Variants in MED13L observed in about 807,000 individuals in gnomAD.
The protein encoded by MED13L is mediator of RNA polymerase II transcription subunit 13-like.
In MED13L, 7 loss-of-function variants were observed where a neutral mutation model predicts 220.9. That is an observed-to-expected ratio of 0.03 (90% confidence interval 0.02 to 0.06). MED13L has a LOEUF of 0.06. MED13L is among the 10% of genes least tolerant of loss of function. The probability of loss-of-function intolerance (pLI) is 1.00; values close to 1 mark genes in which losing one functional copy is unlikely to be tolerated. For synonymous variants in MED13L, 1,011 were observed against 1,015.2 expected, an observed-to-expected ratio of 1.00 and a Z score of 0.08; for missense variants, 1,965 against 2,760.5, an observed-to-expected ratio of 0.71 and a Z score of 6.46.
At chr12:116,096,850 AAAC>A in intron 3 of MED13L, 98 bp from the exon 4 acceptor site, 3 of 835,392 alleles carry the variant, frequency 3.6e-6, no homozygotes, top group South Asian at 1.4e-5. Context: ...CCAAAAATAA[AAAC>A]ACCACCAATT....
rs553682205 is a variant in MED13L at position 116,085,242 on chromosome 12, C to T, written c.479+11427G>A. Among the ~76,000 whole-genome samples, 6 of 152,202 alleles carry T rather than the reference C, an allele frequency of 3.9e-5. No individual in the cohort carries two copies. The East Asian group carries it at 1.2e-3, about 29-fold the overall frequency. ...GCACAAAGTCCAACAGTACTGTAGG[C>T]TTTCTATTAAAAAATACTCATAGTA... On this transcript the variant is annotated intron_variant, in intron 4 of 30. Coordinates refer to ENST00000281928, the MANE Select transcript of MED13L (RefSeq NM_015335.5).
intron 2 of MED13L, among the ~76,000 whole-genome samples, chr12:116,185,962 G>T (rs1880874513): frequency 6.6e-6 from 1 of 152,164 alleles, no homozygotes; most frequent in Non-Finnish European, 1.5e-5. Flanking sequence ...CCAAAGTGCT[G>T]GGATTACAGG....
intron 2 of MED13L, among the ~76,000 whole-genome samples, chr12:116,124,282 C>T (rs1200178551): frequency 6.6e-6 from 1 of 152,080 alleles, no homozygotes; most frequent in Non-Finnish European, 1.5e-5. Context: ...GGTACCTTGG[C>T]TTTTATTTCA....
intron 2 of MED13L, among the ~76,000 whole-genome samples, chr12:116,155,743 G>C (rs1290079371): frequency 1.3e-5 from 2 of 152,034 alleles, no homozygotes; most frequent in Admixed American, 6.6e-5. Context: ...AAAAAACCTT[G>C]AAACTGTTAA....
In MED13L at chr12:115,983,495, G is replaced by A; in HGVS notation, c.4577C>T (p.Pro1526Leu). 6 of 1,614,148 alleles carry A rather than the reference G, an allele frequency of 3.7e-6. No homozygotes were observed. The highest frequency in any genetic ancestry group is 5.1e-6 in the Non-Finnish European group (6 of 1,180,016). Reference sequence around the variant, plus strand: ...TGCTGGTGGGGTCTGGTATTTAGGTGGTATCAATAGGCTGCTATCAAGCTG... The same window carrying A: ...TGCTGGTGGGGTCTGGTATTTAGGTAGTATCAATAGGCTGCTATCAAGCTG... Reference protein sequence around the residue: ...TLQLDSSLLIPPKYQTPPAAA... With the variant: ...TLQLDSSLLILPKYQTPPAAA... The change falls in exon 21 of 31, where the codon CCA (proline) becomes CTA (leucine). Residue 1526 changes from proline (P) to leucine (L), a missense_variant. Pro to Leu is a moderately conservative substitution (Grantham distance 98). Around this residue, in one of 10 missense-constraint regions of MED13L, gnomAD observed 510 missense variants for 620.4 expected, o/e 0.82. Coordinates refer to ENST00000281928, the MANE Select transcript of MED13L (RefSeq NM_015335.5).
intron 4 of MED13L, among the ~76,000 whole-genome samples, chr12:116,080,275 C>A (rs1871140205): frequency 6.6e-6 from 1 of 152,242 alleles, no homozygotes; most frequent in East Asian, 1.9e-4. Flanking sequence ...CTTGGACAAT[C>A]AGTGAGACTA....
intron 22 of MED13L, among the ~76,000 whole-genome samples, chr12:115,981,352 T>C (rs983365806): frequency 6.6e-5 from 10 of 152,326 alleles, no homozygotes; most frequent in East Asian, 3.9e-4. Flanking sequence ...TTCAAAACAA[T>C]GGAAAACTAT....
At position 116,035,080 on chromosome 12, in the gene MED13L, T is replaced by C. The variant is rs184973863; in HGVS notation, c.480-12479A>G. 1.1e-4 allele frequency among the ~76,000 whole-genome samples: 17 copies of C among 152,314 alleles called. No homozygotes were observed. The Middle Eastern group carries it at 0.014, about 122-fold the overall frequency. Reference sequence around the variant, plus strand: ...AACATTCACTAAGCGCACCTATCTTTGTGCCAGACACTGTGCTAGATTTAG... The same window carrying C: ...AACATTCACTAAGCGCACCTATCTTCGTGCCAGACACTGTGCTAGATTTAG... On this transcript the variant is annotated intron_variant, in intron 4 of 30. Coordinates refer to ENST00000281928, the MANE Select transcript of MED13L (RefSeq NM_015335.5).
At chr12:116,133,240 G>C (rs925428985) in intron 2 of MED13L, among the ~76,000 whole-genome samples, 1 of 152,176 alleles carries the variant, frequency 6.6e-6, no homozygotes, top group Non-Finnish European at 1.5e-5. Flanking sequence ...GCAGACTTGA[G>C]TTTAAAATTT....
chr12:116,144,326 T>TGAGA (rs369514156), intron 2 of MED13L, among the ~76,000 whole-genome samples: 144 of 152,314 alleles, frequency 9.5e-4, no homozygotes, highest in Non-Finnish European at 1.7e-3. Context: ...CCCCATCTCT[T>TGAGA]GTCCTTCACT....
chr12:116,001,650 A>G (rs1313972946), intron 14 of MED13L, among the ~76,000 whole-genome samples: 1 of 152,130 alleles, frequency 6.6e-6, no homozygotes, highest in Non-Finnish European at 1.5e-5. Context: ...TCACGAACAC[A>G]TATTTATATA....
chr12:116,022,004 C>T (rs1363195195), intron 5 of MED13L, among the ~76,000 whole-genome samples: 1 of 152,112 alleles, frequency 6.6e-6, no homozygotes, highest in Non-Finnish European at 1.5e-5. Flanking sequence ...AAACTATACA[C>T]TGTATAATTC....
intron 4 of MED13L, among the ~76,000 whole-genome samples, chr12:116,095,358 GCT>G (rs916832499): frequency 6.6e-6 from 1 of 152,120 alleles, no homozygotes; most frequent in African/African-American, 2.4e-5. Flanking sequence ...AAAGGAAAAT[GCT>G]TCAAAGAAGT....
chr12:116,204,474 T>TA (rs1286208828), intron 2 of MED13L, among the ~76,000 whole-genome samples: 8 of 152,246 alleles, frequency 5.3e-5, no homozygotes, highest in Admixed American at 5.2e-4. Flanking sequence ...TGGCAATTCT[T>TA]ACAACAATCC....
At chr12:116,078,563 C>T (rs928899695) in intron 4 of MED13L, among the ~76,000 whole-genome samples, 1 of 152,104 alleles carries the variant, frequency 6.6e-6, no homozygotes, top group African/African-American at 2.4e-5. Flanking sequence ...CAAATTATAA[C>T]CCCAAGGCAA....
intron 2 of MED13L, among the ~76,000 whole-genome samples, chr12:116,212,262 T>C (rs1317299893): frequency 6.6e-6 from 1 of 152,224 alleles, no homozygotes; most frequent in East Asian, 1.9e-4. Context: ...AATTTTAAGT[T>C]AGTGTATAAT....
intron 29 of MED13L, 67 bp downstream of exon 29, chr12:115,966,015 A>G: frequency 8.3e-6 from 13 of 1,571,136 alleles, no homozygotes; most frequent in Non-Finnish European, 1.1e-5. Flanking sequence ...TGAAATTTCT[A>G]ACCAAAATTA....
intron 9 of MED13L, among the ~76,000 whole-genome samples, 184 bp from the exon 10 acceptor site, chr12:116,009,316 T>C (rs1879250288): frequency 6.6e-6 from 1 of 152,064 alleles, no homozygotes; most frequent in African/African-American, 2.4e-5. Flanking sequence ...ATCAATCACA[T>C]ACAAGTTAAG....
chr12:116,161,381 T>C (rs988023658), intron 2 of MED13L, among the ~76,000 whole-genome samples: 9 of 152,124 alleles, frequency 5.9e-5, no homozygotes, highest in African/African-American at 2.2e-4. Flanking sequence ...GAAATATATA[T>C]ATATACACTT....
Sources: gnomAD v4.1 joint callset for allele counts (sites outside exome capture counted in the v4.1 genomes callset) on GRCh38, gnomAD v4.1.1 for gene constraint, gnomAD v4.1.1 regional missense constraint, MANE v1.5 for transcripts, NCBI Gene and HGNC (gene_info 2026-07-23, HGNC 2026-07-21) for gene names.